Variants in WDHD1 observed in about 807,000 individuals in gnomAD.
The protein encoded by WDHD1 is WD repeat and HMG-box DNA binding protein 1, also known as WD repeat and HMG-box DNA-binding protein 1.
A neutral mutation model predicts 135.4 loss-of-function variants in WDHD1; 111 were observed. That is an observed-to-expected ratio of 0.82 (90% CI 0.70 to 0.96). The LOEUF is 0.96. WDHD1 is among the 40% of genes least tolerant of loss of function. The pLI, the probability that WDHD1 is intolerant of heterozygous loss-of-function variation, is 0.00. For synonymous variants in WDHD1, 434 were observed against 439.0 expected (o/e 0.99, Z 0.14); for missense variants, 1,351 against 1,336.3 (o/e 1.01, Z -0.17).
rs2042088737 is a variant in WDHD1 at position 55,007,251 on chromosome 14, A to G, written c.600+29T>C. On this transcript the variant is annotated intron_variant, in intron 7 of 25. Coordinates refer to ENST00000360586, the MANE Select transcript of WDHD1 (RefSeq NM_007086.4). ...TCTAATAAAAAAAAAAAAAAAAAAG[A>G]AAAGAAAAGAAAAATAAGAATCACT... 5 of 1,498,952 alleles carry G rather than the reference A, an allele frequency of 3.3e-6. No homozygotes were observed. The South Asian group carries it at 6.2e-5, about 19-fold the overall frequency. 92.9% of individuals were successfully genotyped at this position (1,498,952 alleles called of 1,614,324 possible). A position where few individuals can be genotyped will look rare whatever the true frequency, so the allele number is the denominator to read the frequency against.
At position 54,957,204 on chromosome 14, in the gene WDHD1, C is replaced by T. The variant is rs755449494; in HGVS notation, c.2746G>A (p.Val916Ile). ...GCTGGTTCTTTGGAACTGGCTGATA[C>T]CTAAAGAGCAAACTAGTGTTAGCAC... The part of the protein sequence containing the change: ...SSQGRVNPFK[V>I]SASSKEPAMS... Residue 916 changes from valine to isoleucine, a missense_variant and splice_region_variant, in exon 23 of 26, where the codon GTA (valine) becomes ATA (isoleucine). Coordinates refer to ENST00000360586, the MANE Select transcript of WDHD1 (RefSeq NM_007086.4). 3.7e-6 allele frequency: 6 copies of T among 1,612,636 alleles called. No homozygotes were observed. Among genetic ancestry groups the T allele is most frequent in the Non-Finnish European group, 5.1e-6 (6 of 1,179,200 alleles).
intron 21 of WDHD1, among the ~76,000 whole-genome samples, chr14:54,958,519 C>A (rs1288432498): frequency 6.6e-6 from 1 of 152,208 alleles, no homozygotes; most frequent in Non-Finnish European, 1.5e-5. Context: ...TCCAGCTCTA[C>A]CACCCTACAG....
intron 2 of WDHD1, among the ~76,000 whole-genome samples, chr14:55,024,108 T>C (rs1419138719): frequency 1.3e-5 from 2 of 152,244 alleles, no homozygotes; most frequent in East Asian, 1.9e-4. Context: ...TTTTCTAATA[T>C]GTGTATTGAA....
In WDHD1 at chr14:54,957,186, C is replaced by T; in HGVS notation, c.2764G>A (p.Glu922Lys). 1 of 1,613,814 alleles carries T rather than the reference C, an allele frequency of 6.2e-7. No individual in the cohort carries two copies. Among genetic ancestry groups the T allele is most frequent in the Non-Finnish European group, 8.5e-7 (1 of 1,179,844 alleles). Residue 922 changes from glutamate to lysine, a missense_variant, in exon 23 of 26, where the codon GAA (glutamate) becomes AAA (lysine). Physicochemically the swap from Glu to Lys is moderately conservative, Grantham distance 56 (BLOSUM62 1). Transcript: ENST00000360586. Reference sequence around the variant, plus strand: ...GCTGAATTCATTGACATGGCTGGTTCTTTGGAACTGGCTGATACCTAAAGA... The same window carrying T: ...GCTGAATTCATTGACATGGCTGGTTTTTTGGAACTGGCTGATACCTAAAGA... ...NPFKVSASSK[E>K]PAMSMNSARS...
chr14:54,998,375 C>G (rs758855892), intron 10 of WDHD1, among the ~76,000 whole-genome samples: 1 of 152,060 alleles, frequency 6.6e-6, no homozygotes, highest in South Asian at 2.1e-4. Flanking sequence ...GGTGATCCAC[C>G]GGCCTCGGCC....
At chr14:55,008,451 C>G in intron 5 of WDHD1, 85 bp from the exon 6 acceptor site, 2 of 1,491,328 alleles carry the variant, frequency 1.3e-6, no homozygotes, top group South Asian at 2.5e-5. Context: ...TCAAAAAGCC[C>G]TTTTATCAAC....
chr14:54,944,954 A>G (rs571941944), intron 24 of WDHD1, among the ~76,000 whole-genome samples: 45 of 152,134 alleles, frequency 3.0e-4, no homozygotes, highest in Non-Finnish European at 4.1e-4. Context: ...AATGAACTGG[A>G]AAATCCTTTG....
rs1420696719 is a variant in WDHD1, at chr14:55,027,017, T to A, written c.-17+11A>T. ...CCTTGGTGGACGCGGGCAGCCGGAG[T>A]GGGGACTCACCCGGGTGACCGAGCC... On this transcript the variant is annotated intron_variant, in intron 1 of 25. Transcript: ENST00000360586. The A allele has an allele frequency of 5.6e-6, 3 of 534,994 alleles. No homozygotes were observed. The highest frequency in any genetic ancestry group is 3.1e-5 in the Admixed American group (1 of 32,298). 33.1% of individuals were successfully genotyped at this position (534,994 alleles called of 1,614,324 possible).
At chr14:55,006,458 C>T (rs1188579556) in intron 7 of WDHD1, among the ~76,000 whole-genome samples, 1 of 152,130 alleles carries the variant, frequency 6.6e-6, no homozygotes, top group Non-Finnish European at 1.5e-5. Context: ...ATTTGTATAA[C>T]AATCCTGTAT....
intron 3 of WDHD1, 137 bp downstream of exon 3, chr14:55,013,348 G>T: frequency 1.7e-6 from 1 of 593,906 alleles, no homozygotes; most frequent in Non-Finnish European, 2.8e-6. Context: ...GCAAGTTACG[G>T]CATTATCATA....
chr14:54,951,976 T>C (rs970451572), intron 24 of WDHD1, among the ~76,000 whole-genome samples: 12 of 152,226 alleles, frequency 7.9e-5, no homozygotes, highest in Non-Finnish European at 1.8e-4. Context: ...AAATTAGGTA[T>C]TGATGGGATG....
rs71448422 is a variant in WDHD1, at chr14:55,013,194, CAAA to C, written c.189+288_189+290del. Among the ~76,000 whole-genome samples the C allele has an allele frequency of 1.5e-4, 12 of 82,322 alleles. No individual in the cohort carries two copies. The South Asian group carries it at 1.6e-3, about 11-fold the overall frequency. 54.0% of individuals were successfully genotyped at this position (82,322 alleles called of 152,430 possible). On this transcript the variant is annotated intron_variant, in intron 3 of 25. Coordinates refer to ENST00000360586, the MANE Select transcript of WDHD1 (RefSeq NM_007086.4). ...TGAGCAACATGGCAAGATCCCGTTT[CAAA>C]AAAAAAAAAAAAAAAAAAAAATTGG...
At chr14:55,019,403 C>T (rs1386797465) in intron 2 of WDHD1, among the ~76,000 whole-genome samples, 1 of 152,120 alleles carries the variant, frequency 6.6e-6, no homozygotes, top group East Asian at 1.9e-4. Context: ...ATAAGGGTGT[C>T]AATGTATTCA....
At chr14:55,026,679 C>A (rs1328091193) in intron 2 of WDHD1, 32 bp downstream of exon 2, 1 of 1,605,220 alleles carries the variant, frequency 6.2e-7, no homozygotes, top group African/African-American at 1.3e-5. Context: ...TTAACATTTG[C>A]ACCTAAAACG....
Position 54,948,233 on chromosome 14 carries a change from T to C in WDHD1, c.3051-3763A>G, listed in dbSNP as rs369405430. Among the ~76,000 whole-genome samples the C allele has an allele frequency of 7.2e-4, 109 of 152,128 alleles. No homozygotes were observed. The East Asian group carries it at 0.015, about 21-fold the overall frequency. On this transcript the variant is annotated intron_variant, in intron 24 of 25. Coordinates refer to ENST00000360586, the MANE Select transcript of WDHD1 (RefSeq NM_007086.4). ...AACAGGGGGTGTGGCACACCGAGTGTGAGCTGAAGCAGGGCAAGGCATCAC... is the reference window on the plus strand; with the variant it reads ...AACAGGGGGTGTGGCACACCGAGTGCGAGCTGAAGCAGGGCAAGGCATCAC...
intron 3 of WDHD1, among the ~76,000 whole-genome samples, chr14:55,011,228 T>C (rs906993373): frequency 6.6e-6 from 1 of 152,014 alleles, no homozygotes; most frequent in African/African-American, 2.4e-5. Flanking sequence ...CAGAAAAAAA[T>C]GACAATATGA....
intron 18 of WDHD1, among the ~76,000 whole-genome samples, chr14:54,963,424 G>A (rs1394092289): frequency 6.6e-6 from 1 of 152,092 alleles, no homozygotes; most frequent in Non-Finnish European, 1.5e-5. Flanking sequence ...GGTGCACTAT[G>A]CAATAAACAG....
In WDHD1 at chr14:55,010,350, C is replaced by T. The variant is rs779288848; in HGVS notation, c.300G>A (p.Val100=). ...LTRFTTNANH[V]VFNGDGTKIA... ...TTTTAGTACCATCCCCATTAAAGAC[C>T]ACATGGTTTGCATTTGTAGTGAAGC... The change falls in exon 4 of 26, where the codon GTG becomes GTA. Residue 100 remains valine, a synonymous_variant. Coordinates refer to ENST00000360586, the MANE Select transcript of WDHD1 (RefSeq NM_007086.4). 26 of 1,611,728 alleles carry T rather than the reference C, an allele frequency of 1.6e-5. No homozygotes were observed. The highest frequency in any genetic ancestry group is 2.1e-5 in the Non-Finnish European group (25 of 1,179,250).
intron 10 of WDHD1, among the ~76,000 whole-genome samples, chr14:54,999,593 C>T (rs2041946575): frequency 6.6e-6 from 1 of 152,032 alleles, no homozygotes; most frequent in Non-Finnish European, 1.5e-5. Context: ...ATTTTCTAGC[C>T]TCCACTTTTT....
Sources: allele counts gnomAD v4.1 joint callset (sites outside exome capture counted in the v4.1 genomes callset), GRCh38; gene constraint gnomAD v4.1.1; transcripts MANE v1.5; gene names NCBI Gene and HGNC (gene_info 2026-07-23, HGNC 2026-07-21).